Variants in CFAP92 observed in about 807,000 individuals in gnomAD.
CFAP92 encodes the protein cilia and flagella associated protein 92 (putative).
Under a neutral mutation model 106.3 loss-of-function variants are expected in CFAP92, and 86 were observed. The ratio of observed to expected loss-of-function variants is 0.81; its 90% CI spans 0.68 to 0.97. The LOEUF (loss-of-function observed/expected upper bound fraction) is 0.97. CFAP92 is among the 50% of genes least tolerant of loss of function. CFAP92 has a pLI of 0.00. For missense variants in CFAP92, 1,204 were observed against 1,283.8 expected (o/e 0.94, Z 0.95); for synonymous variants, 477 against 506.4 (o/e 0.94, Z 0.78).
chr3:128,958,987 G>C (rs1941660589), intron 9 of CFAP92, among the ~76,000 whole-genome samples: 2 of 152,154 alleles, frequency 1.3e-5, no homozygotes, highest in African/African-American at 4.8e-5. Flanking sequence ...AAGGCAGGTG[G>C]ATCACCTGAG....
intron 4 of CFAP92, among the ~76,000 whole-genome samples, chr3:128,981,038 C>CTTT (rs533356293): frequency 7.2e-6 from 1 of 139,542 alleles, no homozygotes. Context: ...CTTTTTCTTT[C>CTTT]TTTTTTTTTT....
chr3:128,925,080 T>A (rs1206353949), intron 12 of CFAP92, among the ~76,000 whole-genome samples: 1 of 152,230 alleles, frequency 6.6e-6, no homozygotes, highest in Non-Finnish European at 1.5e-5. Flanking sequence ...CACCCCAACA[T>A]ACAGCAGGGG....
At chr3:129,014,779 C>T in the CFAP92 span, among the ~76,000 whole-genome samples, 1 of 152,164 alleles carries the variant, frequency 6.6e-6, no homozygotes, top group Admixed American at 6.5e-5. The surrounding 1 kb of genome is among the most constrained non-coding windows in gnomAD (Gnocchi z 4.3). Context: ...GGGCTGGGCA[C>T]AAGCTTGGCT....
In CFAP92 at chr3:128,993,251, G is replaced by A. The variant is rs1944331421; in HGVS notation, c.54C>T (p.Ile18=). 1 of 1,614,000 alleles carries A rather than the reference G, an allele frequency of 6.2e-7. No homozygotes were observed. Among genetic ancestry groups the A allele is most frequent in the Non-Finnish European group, 8.5e-7 (1 of 1,179,880 alleles). The change falls in exon 2 of 16, where the codon ATC becomes ATT. Residue 18 remains isoleucine (I), a synonymous_variant. Coordinates refer to ENST00000645291, the MANE Select transcript of CFAP92 (RefSeq NM_001394090.1). ...ACTGGTAAAAGCTAGTGATGGAGGA[G>A]ATGGGCTCTATGCTTGCGGGGTCCT... ...WEEDPASIEP[I]SSITSFYQST... is the part of the protein sequence containing the mutation.
At chr3:128,956,995 A>AAAAAAAAAAAAAC (rs140918243) in intron 9 of CFAP92, among the ~76,000 whole-genome samples, 1 of 13,284 alleles carries the variant, frequency 7.5e-5, no homozygotes, top group African/African-American at 8.4e-5. Flanking sequence ...AAAAAAAAAA[A>AAAAAAAAAAAAAC]AAGAAATCAA....
chr3:128,912,993 C>CT (rs1559840664), intron 15 of CFAP92: 1 of 464,970 alleles, frequency 2.2e-6, no homozygotes, highest in African/African-American at 2.0e-5. Flanking sequence ...CACACATTCT[C>CT]TAAGAAACAG....
intron 10 of CFAP92, 140 bp downstream of exon 10, chr3:128,944,930 TG>T: frequency 1.3e-6 from 1 of 743,186 alleles, no homozygotes; most frequent in Non-Finnish European, 2.1e-6. Flanking sequence ...GACTAAACCC[TG>T]GTAAGTACCT....
In CFAP92 at chr3:128,915,264, T is replaced by C; in HGVS notation, c.3135A>G (p.Glu1045=). 1 of 1,536,162 alleles carries C rather than the reference T, an allele frequency of 6.5e-7. No individual in the cohort carries two copies. Among genetic ancestry groups the C allele is most frequent in the Non-Finnish European group, 8.7e-7 (1 of 1,146,916 alleles). The change falls in exon 15 of 16, where the codon GAA becomes GAG. Residue 1045 remains glutamate (E), a synonymous_variant. Transcript: ENST00000645291. ...CCAGTACATTAGCAAACAGGGAGTT[T>C]TCCTTCCACTCCTAAATTGGGGGAG... is the stretch of plus-strand genomic sequence containing the variant. ...PIKELNEEWK[E]NSLFANVLEP...
chr3:128,913,154 C>G, intron 15 of CFAP92: 1 of 421,242 alleles, frequency 2.4e-6, no homozygotes, highest in South Asian at 1.7e-5. Context: ...TAGAACCAGC[C>G]TTTAATGGGT....
upstream of CFAP92, chr3:129,004,119 G>A (rs763562571): frequency 6.2e-6 from 9 of 1,440,414 alleles, no homozygotes; most frequent in South Asian, 1.2e-4. Flanking sequence ...TCCCCAATTC[G>A]GCTCCCATTT....
At chr3:128,967,765 A>T (rs955441755) in intron 8 of CFAP92, 4 of 152,198 alleles carry the variant, frequency 2.6e-5, no homozygotes, top group Admixed American at 6.5e-5. Flanking sequence ...AAAATAAAAA[A>T]AAAGTGCTCA....
At chr3:128,989,244 G>A (rs1234162599) in intron 2 of CFAP92, among the ~76,000 whole-genome samples, 6 of 148,612 alleles carry the variant, frequency 4.0e-5, no homozygotes, top group South Asian at 2.1e-4. Context: ...TAGGAGAGAC[G>A]CCATACTTGC....
At chr3:128,973,520 G>T (rs1255182055) in intron 7 of CFAP92, among the ~76,000 whole-genome samples, 1 of 152,118 alleles carries the variant, frequency 6.6e-6, no homozygotes, top group Non-Finnish European at 1.5e-5. Context: ...GCCAGGCATG[G>T]TAGCACATGC....
upstream of CFAP92, among the ~76,000 whole-genome samples, chr3:129,004,281 C>T (rs1343806347): frequency 6.6e-6 from 1 of 152,080 alleles, no homozygotes; most frequent in Non-Finnish European, 1.5e-5. Flanking sequence ...AACCATCTGC[C>T]CACCCATCCA....
the CFAP92 span, among the ~76,000 whole-genome samples, chr3:129,011,353 C>T: frequency 6.6e-6 from 1 of 152,078 alleles, no homozygotes; most frequent in Non-Finnish European, 1.5e-5. Flanking sequence ...GAGTTCAAGA[C>T]CAGCCAGGCC....
chr3:128,917,757 G>A lies in CFAP92; in HGVS notation c.2752-1486C>T, dbSNP rs550921668. ...TGCAGAAGTGATACTGTTGTAGAAC[G>A]AATGAATGAACTGGAATATCCACTT... On this transcript the variant is annotated intron_variant, in intron 12 of 15. Transcript: ENST00000645291. Among the ~76,000 whole-genome samples the A allele has an allele frequency of 1.6e-3, 237 of 152,292 alleles. 1 individual carries two copies. The highest frequency in any genetic ancestry group is 5.5e-3 in the African/African-American group (228 of 41,550).
intron 4 of CFAP92, 63 bp from the exon 5 acceptor site, chr3:128,978,248 T>C (rs988993066): frequency 1.3e-6 from 2 of 1,558,880 alleles, no homozygotes; most frequent in African/African-American, 2.7e-5. Context: ...TTGAATTAAC[T>C]ACTATGGGCA....
At chr3:129,024,854 T>C in the CFAP92 span, among the ~76,000 whole-genome samples, 20 of 152,302 alleles carry the variant, frequency 1.3e-4, no homozygotes, top group East Asian at 3.1e-3. Context: ...ATTCAAACCA[T>C]AGCAGAGGGA....
At chr3:129,013,852 G>A in the CFAP92 span, among the ~76,000 whole-genome samples, 1 of 152,344 alleles carries the variant, frequency 6.6e-6, no homozygotes, top group East Asian at 1.9e-4. Context: ...GCTACTTGTG[G>A]GCAATGATGG....
Sources: gnomAD v4.1 joint callset for allele counts (sites outside exome capture counted in the v4.1 genomes callset) on GRCh38, gnomAD v4.1.1 for gene constraint, Gnocchi (gnomAD v3.1) non-coding constraint, MANE v1.5 for transcripts, NCBI Gene and HGNC (gene_info 2026-07-23, HGNC 2026-07-21) for gene names.